Variants in DLG2 observed in about 807,000 individuals in gnomAD.
The protein encoded by DLG2 is discs large MAGUK scaffold protein 2, also known as disks large homolog 2.
A neutral mutation model predicts 132.5 loss-of-function variants in DLG2; 45 were observed. The ratio of observed to expected loss-of-function variants is 0.34; its 90% CI spans 0.27 to 0.44. The LOEUF (loss-of-function observed/expected upper bound fraction) is 0.44. Among genes scored for constraint, DLG2 ranks in the 20% least tolerant of loss-of-function variants. DLG2 has a pLI of 1.00. For missense variants in DLG2, 1,045 were observed against 1,196.9 expected, an observed-to-expected ratio of 0.87 and a Z score of 1.87; for synonymous variants, 424 against 419.6, an observed-to-expected ratio of 1.01 and a Z score of -0.13.
chr11:83,743,429 ATTT>A (rs35572754), intron 18 of DLG2, among the ~76,000 whole-genome samples: 44 of 103,778 alleles, frequency 4.2e-4, no homozygotes, highest in African/African-American at 1.0e-3. Flanking sequence ...TGGGCAGGCC[ATTT>A]TTTTTTTTTT....
rs182233670 is a variant in DLG2 at position 85,428,305 on chromosome 11, C to A, written c.41-142940G>T. Among the ~76,000 whole-genome samples the A allele has an allele frequency of 1.7e-3, 265 of 152,304 alleles. 1 individual carries two copies. Among genetic ancestry groups the A allele is most frequent in the African/African-American group, 6.2e-3 (257 of 41,566 alleles). ...ATAGACATCAACAGAACTCTCCACC[C>A]CAAATCAACAGAATATACATTCTTC... is the stretch of plus-strand genomic sequence containing the variant. On this transcript the variant is annotated intron_variant, in intron 3 of 27. Transcript: ENST00000376104.
intron 17 of DLG2, among the ~76,000 whole-genome samples, chr11:83,830,404 A>G (rs1453217783): frequency 6.6e-6 from 1 of 152,224 alleles, no homozygotes; most frequent in Non-Finnish European, 1.5e-5. Context: ...TATGGAGGTT[A>G]AAATAAATAA....
chr11:85,484,404 G>C (rs1167045980), intron 3 of DLG2, among the ~76,000 whole-genome samples: 46 of 150,970 alleles, frequency 3.0e-4, no homozygotes, highest in Non-Finnish European at 1.9e-4. Context: ...TACCATCAGA[G>C]TGAACAGGCA....
chr11:85,376,007 A>C (rs368065164), intron 3 of DLG2, among the ~76,000 whole-genome samples: 1 of 152,202 alleles, frequency 6.6e-6, no homozygotes, highest in African/African-American at 2.4e-5. Context: ...AATATTTTAC[A>C]TTTGTATATA....
intron 6 of DLG2, among the ~76,000 whole-genome samples, chr11:84,780,624 G>A (rs1214042646): frequency 1.3e-5 from 2 of 151,928 alleles, no homozygotes; most frequent in Non-Finnish European, 2.9e-5. Context: ...TCCACATTTG[G>A]TACTGTCATT....
In DLG2 at chr11:85,198,128, G is replaced by C. The variant is rs905942948; in HGVS notation, c.187-43477C>G. 3.6e-4 allele frequency among the ~76,000 whole-genome samples: 54 copies of C among 152,024 alleles called. 1 individual carries two copies. ...AAAGAAAAAAAAAAGTGGCTCAAAG[G>C]TACTGAGATTAGTGGTCACAGGAAA... is the stretch of plus-strand genomic sequence containing the variant. On this transcript the variant is annotated intron_variant, in intron 4 of 27. Transcript: ENST00000376104.
chr11:84,154,896 A>G (rs2095396179), intron 9 of DLG2, among the ~76,000 whole-genome samples: 1 of 152,164 alleles, frequency 6.6e-6, no homozygotes, highest in Non-Finnish European at 1.5e-5. Context: ...TCCAGTCTAA[A>G]AGCCAAAATT....
intron 11 of DLG2, among the ~76,000 whole-genome samples, chr11:84,058,232 T>G (rs1367784929): frequency 6.6e-6 from 1 of 152,148 alleles, no homozygotes; most frequent in Non-Finnish European, 1.5e-5. Flanking sequence ...AGTGATTATT[T>G]GGTCAAAATC....
chr11:85,080,753 G>A (rs2067131506), intron 6 of DLG2, among the ~76,000 whole-genome samples: 1 of 152,120 alleles, frequency 6.6e-6, no homozygotes, highest in Admixed American at 6.5e-5. Flanking sequence ...TAATGGGGCA[G>A]AGTGGAGTCT....
chr11:85,581,792 T>C (rs2078544447), intron 3 of DLG2, among the ~76,000 whole-genome samples: 1 of 152,076 alleles, frequency 6.6e-6, no homozygotes, highest in East Asian at 1.9e-4. Context: ...TGTAGGTAAG[T>C]TGGTAGATTG....
chr11:84,653,502 T>G (rs1189786463), intron 6 of DLG2, among the ~76,000 whole-genome samples: 1 of 152,182 alleles, frequency 6.6e-6, no homozygotes, highest in Non-Finnish European at 1.5e-5. Flanking sequence ...ATGACTCCCC[T>G]GTTACCTCAG....
chr11:83,642,300 A>C (rs1481963902), intron 18 of DLG2, among the ~76,000 whole-genome samples: 2 of 152,188 alleles, frequency 1.3e-5, no homozygotes, highest in Non-Finnish European at 2.9e-5. Context: ...TCTAATACTA[A>C]ATAGATCAGC....
intron 6 of DLG2, among the ~76,000 whole-genome samples, chr11:84,861,978 T>G (rs1050314359): frequency 1.5e-5 from 2 of 137,134 alleles, no homozygotes; most frequent in South Asian, 4.5e-4. Flanking sequence ...CAGGTGGGAA[T>G]TGAACAATGA....
chr11:84,729,083 T>A (rs1007257974), intron 6 of DLG2, among the ~76,000 whole-genome samples: 1 of 152,182 alleles, frequency 6.6e-6, no homozygotes, highest in African/African-American at 2.4e-5. Context: ...GGTCTGTATC[T>A]CCTTCAGTTC....
intron 7 of DLG2, among the ~76,000 whole-genome samples, chr11:84,393,386 T>C (rs1326750510): frequency 6.6e-6 from 1 of 152,072 alleles, no homozygotes; most frequent in Non-Finnish European, 1.5e-5. Flanking sequence ...TCACTCTAAA[T>C]CCTTTCTGTC....
intron 6 of DLG2, chr11:84,923,101 G>A (rs761869217): frequency 2.3e-5 from 37 of 1,613,888 alleles, no homozygotes; most frequent in Non-Finnish European, 3.1e-5. Context: ...GGAGTGCACA[G>A]TAACATGCAA....
At chr11:84,472,639 C>T (rs1294611526) in intron 7 of DLG2, among the ~76,000 whole-genome samples, 2 of 151,788 alleles carry the variant, frequency 1.3e-5, no homozygotes, top group African/African-American at 2.4e-5. Context: ...AGATGTTCAC[C>T]TAATGTTCAT....
At chr11:84,950,841 C>T (rs1344014292) in intron 6 of DLG2, among the ~76,000 whole-genome samples, 1 of 151,564 alleles carries the variant, frequency 6.6e-6, no homozygotes, top group East Asian at 1.9e-4. Context: ...ATATGAATTC[C>T]AAGGAAAATT....
chr11:83,904,691 A>T (rs1461376718), intron 15 of DLG2, among the ~76,000 whole-genome samples: 1 of 152,016 alleles, frequency 6.6e-6, no homozygotes, highest in Non-Finnish European at 1.5e-5. Flanking sequence ...CATAATAACA[A>T]TAATGCATTT....
Sources: gnomAD v4.1 joint callset for allele counts (sites outside exome capture counted in the v4.1 genomes callset) on GRCh38, gnomAD v4.1.1 for gene constraint, MANE v1.5 for transcripts, NCBI Gene and HGNC (gene_info 2026-07-23, HGNC 2026-07-21) for gene names.